The following GALNT17 variants were observed in gnomAD, a reference collection of about 807,000 sequenced individuals.
GALNT17 encodes the protein polypeptide N-acetylgalactosaminyltransferase 17, also known as UDP-GalNAc:polypeptide N-acetylgalactosaminyltransferase-like 3.
GALNT17 carries 29 observed loss-of-function variants against 63.7 expected under a neutral mutation model. The ratio of observed to expected loss-of-function variants is 0.46; its 90% CI spans 0.34 to 0.62. The LOEUF is 0.62. Among genes scored for constraint, GALNT17 ranks in the 20% least tolerant of loss-of-function variants. GALNT17 has a pLI of 0.01. For missense variants in GALNT17, 603 were observed against 799.6 expected (o/e 0.75, Z 2.97); for synonymous variants, 305 against 318.3 (o/e 0.96, Z 0.45).
chr7:71,664,015 A>T (rs13228263), intron 6 of GALNT17, among the ~76,000 whole-genome samples: 4,461 of 137,360 alleles, frequency 0.032, 78 homozygotes, highest in Middle Eastern at 0.07. Flanking sequence ...CCATAAATTA[A>T]TTTTTTTTTT....
chr7:71,504,674 T>C (rs967513672), intron 5 of GALNT17, among the ~76,000 whole-genome samples: 1 of 152,218 alleles, frequency 6.6e-6, no homozygotes, highest in African/African-American at 2.4e-5. Context: ...AGTTTACTTA[T>C]TTACATATTT....
intron 5 of GALNT17, among the ~76,000 whole-genome samples, chr7:71,436,513 A>AT (rs1285949977): frequency 6.6e-6 from 1 of 152,050 alleles, no homozygotes; most frequent in African/African-American, 2.4e-5. Context: ...AGGTCAAGAG[A>AT]TTGAGACCAT....
At chr7:71,500,185 T>G (rs1788158078) in intron 5 of GALNT17, among the ~76,000 whole-genome samples, 1 of 152,196 alleles carries the variant, frequency 6.6e-6, no homozygotes, top group East Asian at 1.9e-4. Context: ...CCTAGAGCAA[T>G]TATTGACAAT....
intron 5 of GALNT17, among the ~76,000 whole-genome samples, chr7:71,529,673 CT>C: frequency 6.6e-6 from 1 of 152,270 alleles, no homozygotes; most frequent in East Asian, 1.9e-4. Flanking sequence ...AAGTAGCATT[CT>C]TTATTTTTTC....
intron 1 of GALNT17, among the ~76,000 whole-genome samples, chr7:71,144,084 G>A (rs1416068431): frequency 6.6e-6 from 1 of 152,090 alleles, no homozygotes; most frequent in Admixed American, 6.5e-5. Context: ...TGGAAAATCT[G>A]GTACAGCTTT....
chr7:71,560,473 G>A (rs1350899268), intron 5 of GALNT17, among the ~76,000 whole-genome samples: 1 of 152,208 alleles, frequency 6.6e-6, no homozygotes, highest in Non-Finnish European at 1.5e-5. Context: ...GAGCATGGGA[G>A]TATCCTCCAA....
chr7:71,186,826 AAT>A, intron 1 of GALNT17, among the ~76,000 whole-genome samples: 1 of 152,216 alleles, frequency 6.6e-6, no homozygotes, highest in Admixed American at 6.5e-5. Context: ...CTACTGGGAA[AAT>A]GAATATTTTC....
intron 6 of GALNT17, among the ~76,000 whole-genome samples, chr7:71,587,276 C>A (rs140569457): frequency 1.3e-5 from 2 of 152,304 alleles, no homozygotes; most frequent in African/African-American, 4.8e-5. Context: ...GATCCGCCTG[C>A]CTCAGCCTCC....
chr7:71,609,591 G>A (rs1444718196), intron 6 of GALNT17, among the ~76,000 whole-genome samples: 1 of 152,150 alleles, frequency 6.6e-6, no homozygotes, highest in East Asian at 1.9e-4. Context: ...TGGGGTACAT[G>A]AGATGCTTTG....
intron 6 of GALNT17, among the ~76,000 whole-genome samples, chr7:71,586,364 C>A (rs575007780): frequency 6.6e-6 from 1 of 152,176 alleles, no homozygotes; most frequent in Non-Finnish European, 1.5e-5. Flanking sequence ...GCAACACAGT[C>A]TTTGTCGTTT....
At chr7:71,226,829 G>A (rs1342804783) in intron 1 of GALNT17, among the ~76,000 whole-genome samples, 2 of 152,046 alleles carry the variant, frequency 1.3e-5, no homozygotes, top group African/African-American at 4.8e-5. Context: ...ATACATGAAT[G>A]GAAAGTATTG....
intron 1 of GALNT17, among the ~76,000 whole-genome samples, chr7:71,286,319 T>C (rs1291858182): frequency 6.6e-6 from 1 of 152,228 alleles, no homozygotes; most frequent in Non-Finnish European, 1.5e-5. Flanking sequence ...GAACCCTGGG[T>C]GTTTTCTCTA....
intron 1 of GALNT17, among the ~76,000 whole-genome samples, chr7:71,151,790 A>AAT (rs1562866447): frequency 6.6e-6 from 1 of 152,184 alleles, no homozygotes; most frequent in East Asian, 1.9e-4. Context: ...ATTATAAACA[A>AAT]CTAAATAATA....
intron 7 of GALNT17, 59 bp downstream of exon 7, chr7:71,665,655 C>G (rs764859739): frequency 6.5e-7 from 1 of 1,532,272 alleles, no homozygotes; most frequent in Non-Finnish European, 8.8e-7. Flanking sequence ...TGTTTGATCA[C>G]TATTTATTTA....
chr7:71,534,467 C>T (rs1320807440), intron 5 of GALNT17, among the ~76,000 whole-genome samples: 10 of 151,834 alleles, frequency 6.6e-5, no homozygotes, highest in African/African-American at 1.5e-4. Flanking sequence ...GGCATGGTGG[C>T]GGGCGCCTGT....
At chr7:71,399,599 GT>G (rs778530762) in intron 3 of GALNT17, among the ~76,000 whole-genome samples, 5 of 152,142 alleles carry the variant, frequency 3.3e-5, no homozygotes, top group South Asian at 2.1e-4. Flanking sequence ...TTTTACTGTA[GT>G]TTTTTTGTGA....
chr7:71,280,182 G>C (rs981003632), intron 1 of GALNT17, among the ~76,000 whole-genome samples: 11 of 152,230 alleles, frequency 7.2e-5, no homozygotes, highest in Middle Eastern at 3.4e-3. Flanking sequence ...AGAGACAGGG[G>C]ACCAGAGTCC....
intron 5 of GALNT17, among the ~76,000 whole-genome samples, chr7:71,513,365 T>G (rs986963636): frequency 2.7e-5 from 4 of 150,250 alleles, no homozygotes; most frequent in Non-Finnish European, 4.4e-5. Flanking sequence ...TCCCTTGGTG[T>G]TTTTTTTTGT....
chr7:71,265,116 ATATTTTTTTTTTT>A (rs201681968), intron 1 of GALNT17, among the ~76,000 whole-genome samples: 18,005 of 58,964 alleles, frequency 0.31, 2,940 homozygotes, highest in Middle Eastern at 0.43. Flanking sequence ...ATATATATAT[ATATTTTTTTTTTT>A]TTTTTTTTTT....
Sources: allele counts gnomAD v4.1 joint callset (sites outside exome capture counted in the v4.1 genomes callset), GRCh38; gene constraint gnomAD v4.1.1; transcripts MANE v1.5; gene names NCBI Gene and HGNC (gene_info 2026-07-23, HGNC 2026-07-21).